Variants in CC2D2B observed in about 807,000 individuals in gnomAD.
The protein encoded by CC2D2B is coiled-coil and C2 domain containing 2B, also known as protein CC2D2B.
Under a neutral mutation model 161.2 loss-of-function variants are expected in CC2D2B, and 128 were observed. The observed-to-expected ratio is 0.79, with a 90% CI of 0.69 to 0.92. The LOEUF (loss-of-function observed/expected upper bound fraction) is 0.92, where lower values mean the gene tolerates loss of function less well. Among genes scored for constraint, CC2D2B ranks in the 40% least tolerant of loss-of-function variants. The probability of loss-of-function intolerance (pLI) is 0.00; values close to 1 mark genes in which losing one functional copy is unlikely to be tolerated. For missense variants in CC2D2B, 1,173 were observed against 1,375.1 expected, an observed-to-expected ratio of 0.85 and a Z score of 2.32; for synonymous variants, 391 against 449.8, an observed-to-expected ratio of 0.87 and a Z score of 1.65.
chr10:95,923,631 T>G (rs551551848), intron 3 of CC2D2B, among the ~76,000 whole-genome samples: 2 of 152,154 alleles, frequency 1.3e-5, no homozygotes, highest in African/African-American at 4.8e-5. Flanking sequence ...TTTTGTTTTG[T>G]TTTTGGCCAA....
At chr10:96,017,195 CA>C (rs1388241134) in intron 30 of CC2D2B, among the ~76,000 whole-genome samples, 16 of 152,198 alleles carry the variant, frequency 1.1e-4, no homozygotes, top group African/African-American at 3.9e-4. Context: ...AGAAAGCTAT[CA>C]TTTCTGAACT....
intron 16 of CC2D2B, among the ~76,000 whole-genome samples, chr10:95,973,186 GT>G (rs2077196287): frequency 6.6e-6 from 1 of 152,194 alleles, no homozygotes; most frequent in Non-Finnish European, 1.5e-5. Context: ...GAAGAACGGA[GT>G]TTGCTTCAAG....
intron 9 of CC2D2B, among the ~76,000 whole-genome samples, chr10:95,945,577 G>T (rs907277640): frequency 6.6e-6 from 1 of 151,994 alleles, no homozygotes; most frequent in African/African-American, 2.4e-5. Flanking sequence ...TATTTACATA[G>T]ATTTTTATAT....
chr10:95,912,872 G>T (rs564754626), intron 2 of CC2D2B, among the ~76,000 whole-genome samples: 141 of 152,176 alleles, frequency 9.3e-4, no homozygotes, highest in African/African-American at 3.3e-3. Flanking sequence ...GGGTACATGA[G>T]ATATTTTTAT....
intron 24 of CC2D2B, among the ~76,000 whole-genome samples, chr10:96,001,462 A>G (rs1590828824): frequency 6.6e-6 from 1 of 152,258 alleles, no homozygotes; most frequent in East Asian, 1.9e-4. Context: ...TCTGAAGCCT[A>G]TGTTAATATA....
chr10:96,024,110 T>C (rs747800568), intron 32 of CC2D2B, among the ~76,000 whole-genome samples: 1 of 152,182 alleles, frequency 6.6e-6, no homozygotes, highest in Non-Finnish European at 1.5e-5. Flanking sequence ...GAGGGTTGGG[T>C]TGGCAAGGAA....
At position 95,974,086 on chromosome 10, in the gene CC2D2B, TC is replaced by T. The variant is rs1372000423; in HGVS notation, c.1874del (p.Ser625TyrfsTer4). On this transcript the variant is annotated frameshift_variant, in exon 17 of 35. Transcript: ENST00000646931. LOFTEE classifies it high-confidence loss of function. ...LTSGKLSYSL[S>X]WSLDENGLPL... ...ATCAGGAAAACTTAGCTATTCTCTA[TC>T]ATGGAGCTTAGATGAAAATGGTCTT... 1.6e-6 allele frequency: 2 copies of T among 1,230,414 alleles called. No individual in the cohort carries two copies. Among genetic ancestry groups the T allele is most frequent in the Admixed American group, 4.2e-5 (1 of 23,714 alleles). The allele number at this position is 1,230,414 out of a possible 1,614,324, so 76.2% of individuals were successfully genotyped here. A position where few individuals can be genotyped will look rare whatever the true frequency, so the allele number is the denominator to read the frequency against.
At chr10:95,965,809 G>GTC (rs1019638586) in intron 12 of CC2D2B, 87 bp from the exon 13 acceptor site, 6 of 391,368 alleles carry the variant, frequency 1.5e-5, no homozygotes, top group African/African-American at 1.2e-4. Context: ...GTGTGTGTGT[G>GTC]TGTGTGTGTG....
Position 95,937,844 on chromosome 10 carries a change from T to C in CC2D2B, c.337-147T>C. ...AGTTCTAAATTCAGTGAAATTTCAT[T>C]GTAACACAAGTTCAACTGGAACTTG... is the stretch of plus-strand genomic sequence containing the variant. On this transcript the variant is annotated intron_variant, in intron 6 of 34. Coordinates refer to ENST00000646931, the MANE Select transcript of CC2D2B (RefSeq NM_001349008.3). 5 of 611,408 alleles carry C rather than the reference T, an allele frequency of 8.2e-6. No individual in the cohort carries two copies. In the South Asian group the frequency reaches 8.6e-5, roughly 10 times the overall value. 37.9% of individuals were successfully genotyped at this position (611,408 alleles called of 1,614,324 possible). A position where few individuals can be genotyped will look rare whatever the true frequency, so the allele number is the denominator to read the frequency against.
At chr10:95,962,076 C>A in intron 12 of CC2D2B, 107 bp downstream of exon 12, 2 of 619,158 alleles carry the variant, frequency 3.2e-6, no homozygotes, top group Non-Finnish European at 4.6e-6. Context: ...GCAACTATTC[C>A]ATGTAGTCAA....
At chr10:95,919,165 T>A (rs1017004749) in intron 2 of CC2D2B, 1 of 152,146 alleles carries the variant, frequency 6.6e-6, no homozygotes, top group Admixed American at 6.6e-5. Context: ...TCCTGGATGG[T>A]CTTGAAGCTT....
intron 25 of CC2D2B, among the ~76,000 whole-genome samples, chr10:96,007,752 C>A (rs897513591): frequency 1.3e-5 from 2 of 152,052 alleles, no homozygotes; most frequent in East Asian, 1.9e-4. Flanking sequence ...TCCCTAGATT[C>A]TCTGGCCTTT....
chr10:95,918,341 A>G (rs2098520460), intron 2 of CC2D2B, among the ~76,000 whole-genome samples: 1 of 152,316 alleles, frequency 6.6e-6, no homozygotes, highest in African/African-American at 2.4e-5. Context: ...TGTCTTGGAA[A>G]GTCTCAATTT....
At chr10:96,007,123 C>G (rs890099066) in intron 25 of CC2D2B, among the ~76,000 whole-genome samples, 5 of 152,070 alleles carry the variant, frequency 3.3e-5, no homozygotes, top group African/African-American at 1.2e-4. Context: ...TTTCATCACC[C>G]AGGTATTAAG....
In CC2D2B at chr10:96,033,615, G is replaced by C. The variant is rs913395460; in HGVS notation, c.*1607G>C. On this transcript the variant is annotated 3_prime_UTR_variant, in exon 35 of 35. Coordinates refer to ENST00000646931, the MANE Select transcript of CC2D2B (RefSeq NM_001349008.3). The stretch of plus-strand genomic sequence containing the variant: ...CATAGCTATTTTATTTGTTGTTCAG[G>C]GTTTTTAGAATTGATAGACTGCTTA... Among the ~76,000 whole-genome samples the C allele has an allele frequency of 1.3e-5, 2 of 152,074 alleles. No homozygotes were observed. Among genetic ancestry groups the C allele is most frequent in the Non-Finnish European group, 2.9e-5 (2 of 67,990 alleles).
intron 25 of CC2D2B, among the ~76,000 whole-genome samples, chr10:96,004,551 A>T (rs896276422): frequency 2.0e-5 from 3 of 152,250 alleles, no homozygotes; most frequent in African/African-American, 7.2e-5. Flanking sequence ...ATACAGAAAT[A>T]TAAACAGAAA....
rs376310403 is a variant in CC2D2B at position 96,019,292 on chromosome 10, G to A, written c.3720G>A (p.Pro1240=). Residue 1240 remains proline, a synonymous_variant, in exon 31 of 35, where the codon CCG becomes CCA. Coordinates refer to ENST00000646931, the MANE Select transcript of CC2D2B (RefSeq NM_001349008.3). ...STGQCYKQFD[P]FCPLKSVDCL... is the part of the protein sequence containing the mutation. ...GCCAATGTTATAAGCAGTTTGACCCGTTTTGTCCCTTAAAAAGTGTAGATT... is the reference window on the plus strand; with the variant it reads ...GCCAATGTTATAAGCAGTTTGACCCATTTTGTCCCTTAAAAAGTGTAGATT... The A allele has an allele frequency of 2.2e-5, 35 of 1,611,798 alleles. No homozygotes were observed. The Middle Eastern group carries it at 4.9e-4, about 23-fold the overall frequency.
intron 9 of CC2D2B, 50 bp downstream of exon 9, chr10:95,938,975 CAA>C (rs2075925650): frequency 4.6e-6 from 3 of 646,862 alleles, no homozygotes; most frequent in Non-Finnish European, 8.4e-6. Flanking sequence ...CTTGTAATAT[CAA>C]TTATCGCTGG....
In CC2D2B at chr10:96,029,292, A is replaced by C. The variant is rs770046189; in HGVS notation, c.4125+1903A>C. Among the ~76,000 whole-genome samples, 987 of 103,490 alleles carry C rather than the reference A, an allele frequency of 9.5e-3. 24 individuals carry two copies. Among genetic ancestry groups the C allele is most frequent in the African/African-American group, 0.032 (813 of 25,486 alleles). 67.9% of individuals were successfully genotyped at this position (103,490 alleles called of 152,430 possible). On this transcript the variant is annotated intron_variant, in intron 34 of 34. Coordinates refer to ENST00000646931, the MANE Select transcript of CC2D2B (RefSeq NM_001349008.3). ...TATATATATATATATATATGTATAT[A>C]TATATATATATATGTATATCTATAT...
Sources: gnomAD v4.1 joint callset for allele counts (sites outside exome capture counted in the v4.1 genomes callset) on GRCh38, gnomAD v4.1.1 for gene constraint, MANE v1.5 for transcripts, NCBI Gene and HGNC (gene_info 2026-07-23, HGNC 2026-07-21) for gene names.